The following CSMD2 variants were observed in gnomAD, a reference collection of about 807,000 sequenced individuals.
CSMD2 encodes CUB and sushi domain-containing protein 2.
Under a neutral mutation model 398.5 loss-of-function variants are expected in CSMD2, and 130 were observed. The observed-to-expected ratio is 0.33, with a 90% CI of 0.28 to 0.38. The LOEUF is 0.38. CSMD2 is among the 10% of genes least tolerant of loss of function. The pLI, the probability that CSMD2 is intolerant of heterozygous loss-of-function variation, is 1.00. For missense variants in CSMD2, 3,829 were observed against 4,764.9 expected (o/e 0.80, Z 5.78); for synonymous variants, 1,828 against 1,908.5 (o/e 0.96, Z 1.10).
intron 13 of CSMD2, among the ~76,000 whole-genome samples, chr1:33,766,145 C>T (rs1275101305): frequency 6.6e-6 from 1 of 152,212 alleles, no homozygotes; most frequent in Non-Finnish European, 1.5e-5. Context: ...CCTATAGGAA[C>T]CATTACAAAC....
chr1:33,813,835 C>G (rs1657143253), intron 9 of CSMD2, among the ~76,000 whole-genome samples: 1 of 152,168 alleles, frequency 6.6e-6, no homozygotes, highest in Non-Finnish European at 1.5e-5. Flanking sequence ...TTCCACAGTC[C>G]TCTGGAACCA....
In CSMD2 at chr1:34,165,008, C is replaced by G. The variant is rs1343198364; in HGVS notation, c.90G>C (p.Pro30=). 2 of 1,208,112 alleles carry G rather than the reference C, an allele frequency of 1.7e-6. No individual in the cohort carries two copies. Among genetic ancestry groups the G allele is most frequent in the Non-Finnish European group, 2.1e-6 (2 of 973,098 alleles). 74.8% of individuals were successfully genotyped at this position (1,208,112 alleles called of 1,614,324 possible). Residue 30 remains proline (P), a synonymous_variant, in exon 1 of 71, where the codon CCG becomes CCC. Transcript: ENST00000373381. ...GGCGGCCCCAGCGGCTCCCGGCGCC[C>G]GGCACAAGCGCCGAAATCCCGGTTT... is the stretch of plus-strand genomic sequence containing the variant. ...RGETGISALV[P]GAGSRWGRPP... is the part of the protein sequence containing the mutation.
intron 33 of CSMD2, among the ~76,000 whole-genome samples, chr1:33,625,550 A>G (rs1479846489): frequency 6.6e-6 from 1 of 152,130 alleles, no homozygotes; most frequent in Admixed American, 6.5e-5. Context: ...CCCCTCACTC[A>G]TCAGGGTCCC....
chr1:33,819,978 A>G (rs1331967445), intron 8 of CSMD2, 141 bp from the exon 9 acceptor site: 2 of 1,058,870 alleles, frequency 1.9e-6, no homozygotes, highest in African/African-American at 3.2e-5. Context: ...TTATCACTAA[A>G]AATCTCCATT....
intron 10 of CSMD2, chr1:33,804,822 T>G (rs768736478): frequency 2.8e-6 from 2 of 717,334 alleles, no homozygotes; most frequent in Non-Finnish European, 5.2e-6. Flanking sequence ...ACAACTTCTA[T>G]TCCTCAGTCT....
At chr1:33,914,166 G>T (rs1455744246) in intron 5 of CSMD2, among the ~76,000 whole-genome samples, 1 of 152,150 alleles carries the variant, frequency 6.6e-6, no homozygotes, top group Non-Finnish European at 1.5e-5. Flanking sequence ...AGAGCCAAGT[G>T]ACTGGGTCAG....
At chr1:34,132,023 G>C (rs572822393) in intron 1 of CSMD2, among the ~76,000 whole-genome samples, 2 of 152,220 alleles carry the variant, frequency 1.3e-5, no homozygotes, top group South Asian at 4.2e-4. Flanking sequence ...GTATGGGACA[G>C]CTAACCTTAT....
intron 6 of CSMD2, among the ~76,000 whole-genome samples, chr1:33,841,128 C>T (rs1345420181): frequency 1.3e-5 from 2 of 152,198 alleles, no homozygotes; most frequent in Admixed American, 1.3e-4. Context: ...GGAATATCTT[C>T]CATCTCTCAG....
intron 5 of CSMD2, among the ~76,000 whole-genome samples, chr1:33,861,493 C>T (rs1570304399): frequency 6.6e-6 from 1 of 152,192 alleles, no homozygotes; most frequent in Non-Finnish European, 1.5e-5. Context: ...ATATTGGACA[C>T]CTCTTCCCGG....
chr1:33,929,432 C>CTTTTTTTTTTTTTTTTTTTTTTTTT (rs936900076), intron 4 of CSMD2, among the ~76,000 whole-genome samples: 1 of 100,666 alleles, frequency 9.9e-6, no homozygotes, highest in African/African-American at 4.4e-5. Flanking sequence ...CAAGCCTATA[C>CTTTTTTTTTTTTTTTTTTTTTTTTT]TTTTTTTTTT....
intron 2 of CSMD2, among the ~76,000 whole-genome samples, chr1:34,060,822 A>T (rs1328799854): frequency 6.6e-6 from 1 of 152,154 alleles, no homozygotes; most frequent in Non-Finnish European, 1.5e-5. Flanking sequence ...GAAGGCTTGG[A>T]AAGCAGTCAC....
intron 3 of CSMD2, among the ~76,000 whole-genome samples, chr1:33,990,795 C>T (rs375218033): frequency 6.6e-6 from 1 of 152,286 alleles, no homozygotes; most frequent in Non-Finnish European, 1.5e-5. Context: ...TGAGCTCACC[C>T]AGTTACCTCC....
intron 2 of CSMD2, among the ~76,000 whole-genome samples, chr1:34,075,215 T>C (rs1656192324): frequency 6.6e-6 from 1 of 152,228 alleles, no homozygotes; most frequent in South Asian, 2.1e-4. Flanking sequence ...CCCCTCTCTG[T>C]TTCAATCCTG....
intron 3 of CSMD2, among the ~76,000 whole-genome samples, chr1:33,996,590 A>C (rs1646733355): frequency 6.6e-6 from 1 of 152,214 alleles, no homozygotes. Context: ...TGCTCACTCA[A>C]GGGGCCACCC....
At chr1:33,694,381 T>C (rs1645346703) in intron 24 of CSMD2, among the ~76,000 whole-genome samples, 1 of 152,148 alleles carries the variant, frequency 6.6e-6, no homozygotes, top group Non-Finnish European at 1.5e-5. Flanking sequence ...AGGCTTTGTG[T>C]CCCTACCCAA....
chr1:33,630,527 G>A (rs930666550), intron 32 of CSMD2, among the ~76,000 whole-genome samples: 1 of 152,168 alleles, frequency 6.6e-6, no homozygotes, highest in African/African-American at 2.4e-5. Context: ...AAGTCACCTA[G>A]AAAACAAATA....
At chr1:33,967,569 C>A (rs370026026) in intron 3 of CSMD2, among the ~76,000 whole-genome samples, 1 of 152,182 alleles carries the variant, frequency 6.6e-6, no homozygotes, top group Non-Finnish European at 1.5e-5. Flanking sequence ...CCCAGCCAAA[C>A]GTCCATGATG....
At chr1:33,645,392 CAT>C (rs1365945031) in intron 29 of CSMD2, among the ~76,000 whole-genome samples, 54 of 119,532 alleles carry the variant, frequency 4.5e-4, no homozygotes, top group South Asian at 1.9e-3. Context: ...CACACACACA[CAT>C]ATATAAAATA....
chr1:33,706,739 G>A (rs1217617399), intron 22 of CSMD2, among the ~76,000 whole-genome samples: 2 of 152,098 alleles, frequency 1.3e-5, no homozygotes, highest in Non-Finnish European at 2.9e-5. Context: ...GCCGTAGCAG[G>A]AGCATTTCCT....
Sources: allele counts gnomAD v4.1 joint callset (sites outside exome capture counted in the v4.1 genomes callset), GRCh38; gene constraint gnomAD v4.1.1; transcripts MANE v1.5; gene names NCBI Gene and HGNC (gene_info 2026-07-23, HGNC 2026-07-21).